Variants in LDB2 observed in about 807,000 individuals in gnomAD.
LDB2 encodes the protein LIM domain-binding protein 2.
In LDB2, 12 loss-of-function variants were observed where a neutral mutation model predicts 44.3. The observed-to-expected ratio is 0.27, with a 90% CI of 0.17 to 0.44. The LOEUF (loss-of-function observed/expected upper bound fraction) is 0.44, where lower values mean the gene tolerates loss of function less well. LDB2 is among the 20% of genes least tolerant of loss of function. The pLI is 1.00. For synonymous variants in LDB2, 164 were observed against 174.8 expected (o/e 0.94, Z 0.49); for missense variants, 344 against 473.5 (o/e 0.73, Z 2.54).
chr4:16,872,774 GAA>G (rs1717084136), intron 1 of LDB2, among the ~76,000 whole-genome samples: 1 of 152,120 alleles, frequency 6.6e-6, no homozygotes, highest in African/African-American at 2.4e-5. Flanking sequence ...ACAAACCAGA[GAA>G]AAGATTTCAC....
intron 5 of LDB2, among the ~76,000 whole-genome samples, chr4:16,578,680 C>A (rs1178098881): frequency 6.6e-6 from 1 of 152,090 alleles, no homozygotes; most frequent in East Asian, 1.9e-4. Context: ...TATAATCCAG[C>A]AATCCAACTC....
intron 1 of LDB2, among the ~76,000 whole-genome samples, chr4:16,823,100 T>C (rs1782415892): frequency 6.6e-6 from 1 of 152,178 alleles, no homozygotes; most frequent in South Asian, 2.1e-4. Context: ...ATAAGCACAA[T>C]TTGTCTGTCT....
chr4:16,785,065 T>C (rs1250997718), intron 1 of LDB2, among the ~76,000 whole-genome samples: 1 of 152,030 alleles, frequency 6.6e-6, no homozygotes, highest in Non-Finnish European at 1.5e-5. Flanking sequence ...AGAAAAATAA[T>C]ATCAAGTTAT....
chr4:16,584,064 C>A (rs1218592078), intron 5 of LDB2, among the ~76,000 whole-genome samples: 1 of 152,186 alleles, frequency 6.6e-6, no homozygotes. Flanking sequence ...GCATTAGACA[C>A]CCCCAGAGTG....
chr4:16,505,818 C>T (rs539579687), intron 7 of LDB2: 369 of 1,523,608 alleles, frequency 2.4e-4, no homozygotes, highest in Non-Finnish European at 3.2e-4. Context: ...TCTCACTAAT[C>T]CCCCGTGCAA....
At chr4:16,594,725 A>C (rs563643455) in intron 3 of LDB2, among the ~76,000 whole-genome samples, 38 of 152,354 alleles carry the variant, frequency 2.5e-4, no homozygotes, top group African/African-American at 7.7e-4. Context: ...AGTTTTATAC[A>C]TTGGGCTTCT....
At chr4:16,879,978 G>T (rs967699640) in intron 1 of LDB2, among the ~76,000 whole-genome samples, 1 of 152,110 alleles carries the variant, frequency 6.6e-6, no homozygotes, top group Non-Finnish European at 1.5e-5. Flanking sequence ...TTCCTGTGCA[G>T]AAGTCAGCCA....
chr4:16,706,521 G>A (rs184933623), intron 2 of LDB2, among the ~76,000 whole-genome samples: 148 of 152,312 alleles, frequency 9.7e-4, no homozygotes, highest in African/African-American at 3.4e-3. Flanking sequence ...CCCAGTCTAT[G>A]GTATTTTGTG....
chr4:16,833,436 A>G (rs972890167), intron 1 of LDB2, among the ~76,000 whole-genome samples: 3 of 151,992 alleles, frequency 2.0e-5, no homozygotes, highest in Non-Finnish European at 4.4e-5. Flanking sequence ...TTATTCCTTC[A>G]TTCTTTGTAT....
chr4:16,636,029 T>C (rs1052708502), intron 2 of LDB2, among the ~76,000 whole-genome samples: 26 of 152,136 alleles, frequency 1.7e-4, no homozygotes, highest in African/African-American at 6.0e-4. Flanking sequence ...ATTATATAAG[T>C]GATGGGCCAT....
intron 5 of LDB2, among the ~76,000 whole-genome samples, chr4:16,565,165 C>T (rs1308391089): frequency 2.0e-5 from 3 of 152,198 alleles, no homozygotes; most frequent in East Asian, 3.8e-4. Flanking sequence ...AGACCTACCA[C>T]TTACTGGCTA....
At position 16,586,544 on chromosome 4, in the gene LDB2, CACACACAT is replaced by C. The variant is rs1560554815; in HGVS notation, c.532-547_532-540del. On this transcript the variant is annotated intron_variant, in intron 4 of 7. Transcript: ENST00000304523. ...CACACACAAAACACACACACACACA[CACACACAT>C]ATATATGGAGAGACAGAATTCTCAC... Among the ~76,000 whole-genome samples the C allele has an allele frequency of 7.8e-4, 106 of 136,122 alleles. 1 individual carries two copies. The highest frequency in any genetic ancestry group is 2.7e-3 in the African/African-American group (102 of 38,138). The allele number at this position is 136,122 out of a possible 152,430, so 89.3% of individuals were successfully genotyped here. A position where few individuals can be genotyped will look rare whatever the true frequency, so the allele number is the denominator to read the frequency against.
chr4:16,571,898 T>G (rs1746667305), intron 5 of LDB2, among the ~76,000 whole-genome samples: 1 of 152,244 alleles, frequency 6.6e-6, no homozygotes, highest in Admixed American at 6.5e-5. Flanking sequence ...TTCATATGCC[T>G]TCTTCTCTTT....
intron 2 of LDB2, among the ~76,000 whole-genome samples, chr4:16,640,609 G>A (rs1438696931): frequency 6.6e-6 from 1 of 152,166 alleles, no homozygotes; most frequent in Non-Finnish European, 1.5e-5. Flanking sequence ...CTTGTTATAT[G>A]TTAAGTAATA....
At chr4:16,580,382 A>C (rs1016928888) in intron 5 of LDB2, among the ~76,000 whole-genome samples, 1 of 152,224 alleles carries the variant, frequency 6.6e-6, no homozygotes, top group Non-Finnish European at 1.5e-5. Flanking sequence ...TGAGACTGAG[A>C]GGATCATGAT....
At chr4:16,771,066 CT>C (rs1770555313) in intron 1 of LDB2, among the ~76,000 whole-genome samples, 1 of 152,212 alleles carries the variant, frequency 6.6e-6, no homozygotes, top group Admixed American at 6.5e-5. Context: ...TCTGGAAAAG[CT>C]TGCAAGATTC....
At chr4:16,833,176 T>C (rs1292799702) in intron 1 of LDB2, among the ~76,000 whole-genome samples, 1 of 152,224 alleles carries the variant, frequency 6.6e-6, no homozygotes, top group Non-Finnish European at 1.5e-5. Flanking sequence ...GCTAGGTCTG[T>C]CTAATGTTCA....
rs1417126551 is a variant in LDB2, at chr4:16,852,891, T to C, written c.132+45463A>G. On this transcript the variant is annotated intron_variant, in intron 1 of 7. Transcript: ENST00000304523. The stretch of plus-strand genomic sequence containing the variant: ...ATAAATATTGAAGTAAGTTTATTTA[T>C]ATTAGTTGGCCAGAATTTGAAGATA... Among the ~76,000 whole-genome samples, 3 of 152,304 alleles carry C rather than the reference T, an allele frequency of 2.0e-5. No homozygotes were observed. The East Asian group carries it at 5.8e-4, about 29-fold the overall frequency.
At chr4:16,569,352 A>G (rs1745598674) in intron 5 of LDB2, among the ~76,000 whole-genome samples, 1 of 152,144 alleles carries the variant, frequency 6.6e-6, no homozygotes, top group Non-Finnish European at 1.5e-5. Flanking sequence ...TTCTTTCACA[A>G]AGTTTAGAAA....
Sources: allele counts gnomAD v4.1 joint callset (sites outside exome capture counted in the v4.1 genomes callset), GRCh38; gene constraint gnomAD v4.1.1; transcripts MANE v1.5; gene names NCBI Gene and HGNC (gene_info 2026-07-23, HGNC 2026-07-21).